Variants in SOX5 observed in about 807,000 individuals in gnomAD.
SOX5 encodes transcription factor SOX-5.
A neutral mutation model predicts 92.0 loss-of-function variants in SOX5; 9 were observed. That is an observed-to-expected ratio of 0.10 (90% CI 0.06 to 0.17). SOX5 has a LOEUF of 0.17. Ranked by LOEUF, SOX5 falls within the 10% of genes least tolerant of loss-of-function variation. SOX5 has a pLI of 1.00. For missense variants in SOX5, 642 were observed against 944.5 expected (o/e 0.68, Z 4.20); for synonymous variants, 344 against 336.3 (o/e 1.02, Z -0.25).
At chr12:23,880,857 G>C (rs1481850758) in intron 2 of SOX5, among the ~76,000 whole-genome samples, 1 of 152,160 alleles carries the variant, frequency 6.6e-6, no homozygotes, top group African/African-American at 2.4e-5. Context: ...AGATTAAAAT[G>C]AAATGCTCAC....
chr12:23,820,221 GTCT>G (rs2142721131), intron 3 of SOX5, among the ~76,000 whole-genome samples: 1 of 152,246 alleles, frequency 6.6e-6, no homozygotes, highest in East Asian at 1.9e-4. Flanking sequence ...CCGCATAAAT[GTCT>G]TCTTTTGAGA....
intron 4 of SOX5, among the ~76,000 whole-genome samples, chr12:24,065,566 G>C (rs1312240358): frequency 6.9e-6 from 1 of 144,242 alleles, no homozygotes; most frequent in Non-Finnish European, 1.5e-5. Flanking sequence ...AGAATCGCTT[G>C]AACCCGGGAG....
chr12:24,424,541 G>T (rs1374627393), intron 1 of SOX5, among the ~76,000 whole-genome samples: 2 of 151,988 alleles, frequency 1.3e-5, no homozygotes, highest in African/African-American at 4.8e-5. Context: ...CAGCTTGGGG[G>T]CACTTGTCTT....
intron 4 of SOX5, among the ~76,000 whole-genome samples, chr12:23,976,566 A>C (rs2140207035): frequency 6.6e-6 from 1 of 152,292 alleles, no homozygotes; most frequent in Non-Finnish European, 1.5e-5. Flanking sequence ...TAAGACTAGA[A>C]GTAACATGAT....
At chr12:23,867,371 C>A (rs1242125448) in intron 2 of SOX5, among the ~76,000 whole-genome samples, 1 of 152,088 alleles carries the variant, frequency 6.6e-6, no homozygotes, top group Non-Finnish European at 1.5e-5. Flanking sequence ...CCCAGTCACA[C>A]AAGATTTAAG....
intron 4 of SOX5, among the ~76,000 whole-genome samples, chr12:23,975,603 T>C (rs1001986014): frequency 1.3e-5 from 2 of 152,198 alleles, no homozygotes; most frequent in Non-Finnish European, 2.9e-5. Flanking sequence ...CCATGGGATC[T>C]AGAGCCAAAC....
chr12:23,552,511 A>G (rs1028953104), intron 11 of SOX5, among the ~76,000 whole-genome samples: 4 of 152,008 alleles, frequency 2.6e-5, no homozygotes, highest in African/African-American at 9.7e-5. Flanking sequence ...GTAGAGTAGG[A>G]AGAAAAAATC....
intron 6 of SOX5, among the ~76,000 whole-genome samples, chr12:23,717,859 G>T (rs1402469105): frequency 6.6e-6 from 1 of 152,138 alleles, no homozygotes; most frequent in Non-Finnish European, 1.5e-5. Context: ...CTATATTCCA[G>T]CTATCTGAAC....
chr12:23,569,253 C>T (rs1223182942), intron 10 of SOX5, among the ~76,000 whole-genome samples: 1 of 152,126 alleles, frequency 6.6e-6, no homozygotes, highest in African/African-American at 2.4e-5. Flanking sequence ...AAATTGATGT[C>T]AACATCCCTG....
chr12:23,549,814 A>G (rs1449776493), intron 11 of SOX5, among the ~76,000 whole-genome samples: 1 of 151,928 alleles, frequency 6.6e-6, no homozygotes, highest in Non-Finnish European at 1.5e-5. Context: ...GAGATCAAGG[A>G]GAAACATTAG....
chr12:24,187,646 C>G (rs1358710277), intron 4 of SOX5, among the ~76,000 whole-genome samples: 1 of 152,206 alleles, frequency 6.6e-6, no homozygotes, highest in African/African-American at 2.4e-5. Flanking sequence ...TATTTGGACA[C>G]TCTTTCTCTG....
intron 1 of SOX5, among the ~76,000 whole-genome samples, chr12:24,534,305 A>G (rs1343426045): frequency 6.6e-6 from 1 of 151,842 alleles, no homozygotes; most frequent in Non-Finnish European, 1.5e-5. Context: ...AGATCTCAGC[A>G]ATCCCTCAGA....
chr12:24,281,237 GAAAAA>G (rs71448005), intron 2 of SOX5, among the ~76,000 whole-genome samples: 14 of 97,246 alleles, frequency 1.4e-4, no homozygotes, highest in East Asian at 3.5e-4. Context: ...TTACCAAAAG[GAAAAA>G]AAAAAAAAAA....
At chr12:24,518,532 C>T (rs1949994312) in intron 1 of SOX5, among the ~76,000 whole-genome samples, 1 of 152,044 alleles carries the variant, frequency 6.6e-6, no homozygotes, top group African/African-American at 2.4e-5. Context: ...TATATCTCAG[C>T]CAAATATATT....
chr12:24,478,508 C>T (rs1945628185), intron 1 of SOX5, among the ~76,000 whole-genome samples: 1 of 152,156 alleles, frequency 6.6e-6, no homozygotes, highest in Non-Finnish European at 1.5e-5. Context: ...TCTCTCCACC[C>T]AGATGACTGG....
intron 1 of SOX5, among the ~76,000 whole-genome samples, chr12:23,921,804 G>A (rs1457621573): frequency 1.3e-5 from 2 of 152,088 alleles, no homozygotes; most frequent in Non-Finnish European, 2.9e-5. Context: ...TTTTCCCTAA[G>A]TTCTGGCAAT....
chr12:24,495,661 G>C (rs1321743415), intron 1 of SOX5, among the ~76,000 whole-genome samples: 2 of 152,112 alleles, frequency 1.3e-5, no homozygotes, highest in Non-Finnish European at 2.9e-5. Flanking sequence ...TCAAGGGTCT[G>C]ATTAAAGAAA....
intron 2 of SOX5, among the ~76,000 whole-genome samples, chr12:24,329,358 G>C (rs1951047987): frequency 6.6e-6 from 1 of 152,160 alleles, no homozygotes. Context: ...CGGCAGGCGA[G>C]AGAGAAGAGT....
intron 11 of SOX5, among the ~76,000 whole-genome samples, chr12:23,562,227 T>C (rs1010206361): frequency 2.6e-5 from 4 of 152,126 alleles, no homozygotes; most frequent in African/African-American, 7.2e-5. Context: ...GGACACACGA[T>C]AGAATTGAAA....
Sources: allele counts gnomAD v4.1 joint callset (sites outside exome capture counted in the v4.1 genomes callset), GRCh38; gene constraint gnomAD v4.1.1; transcripts MANE v1.5; gene names NCBI Gene and HGNC (gene_info 2026-07-23, HGNC 2026-07-21).